Variants in PTH2R observed in about 807,000 individuals in gnomAD.
The protein encoded by PTH2R is parathyroid hormone 2 receptor.
PTH2R carries 59 observed loss-of-function variants against 60.3 expected under a neutral mutation model. The ratio of observed to expected loss-of-function variants is 0.98; its 90% CI spans 0.79 to 1.22. PTH2R has a LOEUF of 1.22. Among genes scored for constraint, PTH2R ranks in the 50% most tolerant of loss-of-function variants. The pLI is 0.00. For synonymous variants in PTH2R, 256 were observed against 243.8 expected (o/e 1.05, Z -0.47); for missense variants, 749 against 682.6 (o/e 1.10, Z -1.08).
At chr2:208,383,710 T>G (rs1045797887) in intron 1 of PTH2R, among the ~76,000 whole-genome samples, 3 of 152,210 alleles carry the variant, frequency 2.0e-5, no homozygotes, top group Non-Finnish European at 4.4e-5. Flanking sequence ...TACCAGCCAA[T>G]AGTTGAACTT....
chr2:208,474,288 C>T (rs1702950405), intron 9 of PTH2R, among the ~76,000 whole-genome samples: 1 of 152,046 alleles, frequency 6.6e-6, no homozygotes, highest in African/African-American at 2.4e-5. Context: ...AGTAATACTA[C>T]TACTAGTGGT....
chr2:208,383,762 C>A (rs1034969439), intron 1 of PTH2R, among the ~76,000 whole-genome samples: 1 of 152,184 alleles, frequency 6.6e-6, no homozygotes, highest in Admixed American at 6.5e-5. Context: ...TGATGATTCA[C>A]AATGAACACA....
intron 4 of PTH2R, 138 bp from the exon 5 acceptor site, chr2:208,442,226 C>T: frequency 9.0e-6 from 6 of 664,268 alleles, no homozygotes; most frequent in Non-Finnish European, 1.3e-5. Context: ...CAGATCTCTA[C>T]ATTTTATTGC....
chr2:208,385,851 G>A (rs1367518899), intron 1 of PTH2R, among the ~76,000 whole-genome samples: 1 of 152,160 alleles, frequency 6.6e-6, no homozygotes, highest in Admixed American at 6.5e-5. Flanking sequence ...ATTGTACTGG[G>A]TCAATTGAGC....
chr2:208,436,471 T>A (rs1702076927), intron 2 of PTH2R, among the ~76,000 whole-genome samples: 1 of 152,162 alleles, frequency 6.6e-6, no homozygotes, highest in Non-Finnish European at 1.5e-5. Flanking sequence ...CTGAGTCCAG[T>A]GAGGCAGAAT....
At chr2:208,377,652 C>G (rs1700826032) in intron 1 of PTH2R, among the ~76,000 whole-genome samples, 1 of 151,668 alleles carries the variant, frequency 6.6e-6, no homozygotes, top group Non-Finnish European at 1.5e-5. Flanking sequence ...CCTCACTTCT[C>G]AGACGGGGCA....
rs190602236 is a variant in PTH2R, at chr2:208,396,450, T to C, written c.-258-31751T>C. Reference sequence around the variant, plus strand: ...TAATATCCAGAATCTACAAAGAACTTAAACAAATTTACAAGAAAAAAACAA... The same window carrying C: ...TAATATCCAGAATCTACAAAGAACTCAAACAAATTTACAAGAAAAAAACAA... On this transcript the variant is annotated intron_variant, in intron 1 of 12. Transcript: ENST00000617735. 2.6e-3 allele frequency among the ~76,000 whole-genome samples: 398 copies of C among 152,128 alleles called. 1 individual carries two copies. The highest frequency in any genetic ancestry group is 8.7e-3 in the African/African-American group (362 of 41,482).
intron 4 of PTH2R, among the ~76,000 whole-genome samples, chr2:208,440,554 A>G (rs1702161774): frequency 6.6e-6 from 1 of 152,218 alleles, no homozygotes; most frequent in South Asian, 2.1e-4. Flanking sequence ...ACATGAGTTG[A>G]GGATGCCAAG....
intron 9 of PTH2R, among the ~76,000 whole-genome samples, chr2:208,477,458 T>C (rs182206842): frequency 6.6e-6 from 1 of 152,122 alleles, no homozygotes; most frequent in African/African-American, 2.4e-5. Flanking sequence ...GAACAAATCT[T>C]TACTTTTATT....
Position 208,489,117 on chromosome 2 carries a change from C to T in PTH2R, c.1182C>T (p.Arg394=), listed in dbSNP as rs1703344109. 1 of 1,614,046 alleles carries T rather than the reference C, an allele frequency of 6.2e-7. No individual in the cohort carries two copies. The highest frequency in any genetic ancestry group is 1.3e-5 in the African/African-American group (1 of 74,914). ...TCACTGGGCTCGGGTGGGAGATCCG[C>T]ATGCACTGTGAGCTCTTCTTCAACT... ...HSFTGLGWEI[R]MHCELFFNSF... is the part of the protein sequence containing the mutation. Residue 394 remains arginine, a synonymous_variant, in exon 11 of 13, where the codon CGC becomes CGT. Coordinates refer to ENST00000272847, the MANE Select transcript of PTH2R (RefSeq NM_005048.4).
At chr2:208,377,778 C>G (rs1280655082) in intron 1 of PTH2R, among the ~76,000 whole-genome samples, 1 of 148,932 alleles carries the variant, frequency 6.7e-6, no homozygotes, top group African/African-American at 2.5e-5. Context: ...CCAGACGGGG[C>G]GGCGGGGCAG....
intron 1 of PTH2R, among the ~76,000 whole-genome samples, chr2:208,378,179 C>T (rs1288287808): frequency 4.6e-5 from 7 of 151,792 alleles, no homozygotes; most frequent in African/African-American, 9.7e-5. Flanking sequence ...GAGACCAGCC[C>T]GGCCAACACA....
At chr2:208,389,361 A>G (rs1701065424) in intron 1 of PTH2R, among the ~76,000 whole-genome samples, 1 of 151,922 alleles carries the variant, frequency 6.6e-6, no homozygotes, top group Non-Finnish European at 1.5e-5. Flanking sequence ...CCTTCTTATT[A>G]GTCTTAGCTC....
intron 1 of PTH2R, among the ~76,000 whole-genome samples, chr2:208,398,772 G>C (rs1047013808): frequency 6.6e-6 from 1 of 152,156 alleles, no homozygotes; most frequent in Admixed American, 6.5e-5. Context: ...GAAAAGAGTT[G>C]TCTGTATCTC....
intron 1 of PTH2R, among the ~76,000 whole-genome samples, chr2:208,417,220 A>G (rs1423613828): frequency 6.6e-6 from 1 of 152,194 alleles, no homozygotes; most frequent in Non-Finnish European, 1.5e-5. Context: ...CCGAGATTTC[A>G]TTATTTATCT....
intron 1 of PTH2R, among the ~76,000 whole-genome samples, chr2:208,397,006 G>A (rs148006805): frequency 0.02 from 2,984 of 152,138 alleles, 64 homozygotes; most frequent in Admixed American, 0.055. Flanking sequence ...GTCCTTTGCC[G>A]GGACATGGAT....
At chr2:208,423,686 G>T (rs953159126) in intron 1 of PTH2R, among the ~76,000 whole-genome samples, 1 of 152,108 alleles carries the variant, frequency 6.6e-6, no homozygotes, top group African/African-American at 2.4e-5. Context: ...TGAGAAAGGG[G>T]GTTGAAGTTT....
At chr2:208,493,124 CATAG>C (rs1312357216) in intron 12 of PTH2R, 136 bp from the exon 13 acceptor site, 10 of 916,806 alleles carry the variant, frequency 1.1e-5, no homozygotes, top group Middle Eastern at 2.4e-4. Context: ...GAGAGAAAGT[CATAG>C]ATAAAGTCCC....
At chr2:208,491,992 G>A (rs1408835645) in intron 12 of PTH2R, among the ~76,000 whole-genome samples, 1 of 152,142 alleles carries the variant, frequency 6.6e-6, no homozygotes, top group Non-Finnish European at 1.5e-5. Flanking sequence ...GTGTTGATTT[G>A]TTTTTGCCAA....
Sources: gnomAD v4.1 joint callset for allele counts (sites outside exome capture counted in the v4.1 genomes callset) on GRCh38, gnomAD v4.1.1 for gene constraint, MANE v1.5 for transcripts, NCBI Gene and HGNC (gene_info 2026-07-23, HGNC 2026-07-21) for gene names.